ACCSL: variants seen among roughly 807,000 people sequenced by gnomAD.
ACCSL encodes 1-aminocyclopropane-1-carboxylate synthase homolog (inactive) like, also known as probable inactive 1-aminocyclopropane-1-carboxylate synthase-like protein 2.
A neutral mutation model predicts 61.7 loss-of-function variants in ACCSL; 55 were observed. The ratio of observed to expected loss-of-function variants is 0.89; its 90% CI spans 0.72 to 1.12. The LOEUF (loss-of-function observed/expected upper bound fraction) is 1.12, where lower values mean the gene tolerates loss of function less well. Ranked by LOEUF, ACCSL falls within the 50% of genes most tolerant of loss-of-function variation. The pLI, the probability that ACCSL is intolerant of heterozygous loss-of-function variation, is 0.00. For missense variants in ACCSL, 632 were observed against 698.0 expected (o/e 0.91, Z 1.07); for synonymous variants, 258 against 264.3 (o/e 0.98, Z 0.23).
the ACCSL span, among the ~76,000 whole-genome samples, chr11:43,921,564 T>G: frequency 6.6e-6 from 1 of 152,222 alleles, no homozygotes; most frequent in African/African-American, 2.4e-5. Context: ...ACAGCCAGCT[T>G]TGGTGATCAG....
the ACCSL span, among the ~76,000 whole-genome samples, chr11:43,939,852 C>A: frequency 6.6e-6 from 1 of 152,202 alleles, no homozygotes. Context: ...AGTGATCCAT[C>A]CGCCTTGGCC....
the ACCSL span, among the ~76,000 whole-genome samples, chr11:44,035,887 G>A: frequency 2.1e-5 from 3 of 142,592 alleles, no homozygotes; most frequent in Non-Finnish European, 4.5e-5. Context: ...GCAGTGAGCC[G>A]AGATCACGCC....
chr11:44,029,769 T>C, the ACCSL span, among the ~76,000 whole-genome samples: 1 of 151,956 alleles, frequency 6.6e-6, no homozygotes, highest in Admixed American at 6.6e-5. Context: ...GCTTGGTGAG[T>C]TGGCCCTCCA....
the ACCSL span, among the ~76,000 whole-genome samples, chr11:43,988,174 T>C: frequency 1.3e-5 from 2 of 152,158 alleles, no homozygotes; most frequent in African/African-American, 4.8e-5. Flanking sequence ...TAATTCATAC[T>C]AGGGTGTGAA....
chr11:44,017,942 A>C, the ACCSL span, among the ~76,000 whole-genome samples: 2 of 152,150 alleles, frequency 1.3e-5, no homozygotes, highest in African/African-American at 4.8e-5. Flanking sequence ...GCCATTGCCA[A>C]GCAGTAATGA....
the ACCSL span, among the ~76,000 whole-genome samples, chr11:43,968,085 T>G: frequency 6.6e-6 from 1 of 152,114 alleles, no homozygotes; most frequent in Admixed American, 6.6e-5. Flanking sequence ...TGTCATACTT[T>G]GGGGTGGGGG....
At chr11:43,950,294 C>T in the ACCSL span, among the ~76,000 whole-genome samples, 17 of 152,222 alleles carry the variant, frequency 1.1e-4, no homozygotes, top group African/African-American at 1.7e-4. Context: ...GTCAGAACCT[C>T]CTAAGGCTGT....
In ACCSL at chr11:44,051,639, T is replaced by C. The variant is rs775912284; in HGVS notation, c.706-14T>C. 2.5e-6 allele frequency: 4 copies of C among 1,614,032 alleles called. No individual in the cohort carries two copies. In the Admixed American group the frequency reaches 5.0e-5, roughly 20 times the overall value. On this transcript the variant is annotated splice_polypyrimidine_tract_variant and intron_variant, in intron 4 of 13. Coordinates refer to ENST00000378832, the MANE Select transcript of ACCSL (RefSeq NM_001031854.2). Reference sequence around the variant, plus strand: ...TATTGGTTTTGACTTCTGCCTCTCATGTGTTGTCTTCAGGTGGTGGTTCTA... The same window carrying C: ...TATTGGTTTTGACTTCTGCCTCTCACGTGTTGTCTTCAGGTGGTGGTTCTA...
the ACCSL span, among the ~76,000 whole-genome samples, chr11:43,971,917 T>G: frequency 6.6e-6 from 1 of 152,214 alleles, no homozygotes; most frequent in South Asian, 2.1e-4. Flanking sequence ...CACTGGTCCT[T>G]GACTTTCACT....
the ACCSL span, chr11:43,933,444 C>T: frequency 4.2e-6 from 1 of 235,984 alleles, no homozygotes; most frequent in South Asian, 5.9e-5. Flanking sequence ...GTTCCCTCCC[C>T]TCTCTGGTCT....
chr11:43,927,893 A>G, the ACCSL span, among the ~76,000 whole-genome samples: 1 of 152,238 alleles, frequency 6.6e-6, no homozygotes, highest in African/African-American at 2.4e-5. Context: ...AACTCAGGAC[A>G]TCTCAGCCAG....
At chr11:43,995,019 A>C in the ACCSL span, 1 of 152,194 alleles carries the variant, frequency 6.6e-6, no homozygotes, top group Non-Finnish European at 1.5e-5. Flanking sequence ...TATAGGGTGG[A>C]ATATTTTCCC....
chr11:43,940,504 C>T, the ACCSL span, among the ~76,000 whole-genome samples: 4 of 151,242 alleles, frequency 2.6e-5, no homozygotes, highest in African/African-American at 4.9e-5. Context: ...TACAGGCACC[C>T]GCTGCCACGC....
At chr11:43,983,403 T>C in the ACCSL span, among the ~76,000 whole-genome samples, 4 of 152,320 alleles carry the variant, frequency 2.6e-5, no homozygotes, top group South Asian at 8.3e-4. Context: ...ATGTGCCTGG[T>C]GCAGGGGATG....
At chr11:43,942,998 C>A in the ACCSL span, 1 of 1,505,972 alleles carries the variant, frequency 6.6e-7, no homozygotes, top group South Asian at 1.2e-5. Flanking sequence ...GTTCCCGCAG[C>A]CCGTGCGGCC....
intron 1 of ACCSL, 108 bp downstream of exon 1, chr11:44,048,648 A>T: frequency 9.1e-7 from 1 of 1,103,836 alleles, no homozygotes; most frequent in Non-Finnish European, 1.3e-6. Flanking sequence ...TTATAGCCTT[A>T]TGAAACGGGC....
chr11:43,973,410 ATATCTATCTATCTATCTATC>A, the ACCSL span, among the ~76,000 whole-genome samples: 396 of 149,054 alleles, frequency 2.7e-3, 1 homozygote, highest in African/African-American at 6.0e-3. Flanking sequence ...TGGTTTTGAG[ATATCTATCTATCTATCTATC>A]TATCTATCTA....
chr11:43,957,866 G>A, the ACCSL span, among the ~76,000 whole-genome samples: 601 of 152,296 alleles, frequency 3.9e-3, 2 homozygotes, highest in South Asian at 8.3e-3. Context: ...CGTCATGGCC[G>A]GAACTAGTTT....
chr11:44,019,523 C>T, the ACCSL span, among the ~76,000 whole-genome samples: 4 of 152,180 alleles, frequency 2.6e-5, no homozygotes, highest in Admixed American at 6.5e-5. Context: ...TTTTCATGGG[C>T]TTGTTGGCAC....
Sources: gnomAD v4.1 joint callset for allele counts (sites outside exome capture counted in the v4.1 genomes callset) on GRCh38, gnomAD v4.1.1 for gene constraint, MANE v1.5 for transcripts, NCBI Gene and HGNC (gene_info 2026-07-23, HGNC 2026-07-21) for gene names.